The following NFILZ variants were observed in gnomAD, a reference collection of about 807,000 sequenced individuals.
The protein encoded by NFILZ is NFIL3 like basic leucine zipper, also known as NFIL3 like protein.
chr19:8,657,649 G>A (rs1250132972), intron 3 of NFILZ, among the ~76,000 whole-genome samples: 6 of 152,086 alleles, frequency 3.9e-5, no homozygotes, highest in East Asian at 1.9e-4. Context: ...ATCTCTCTCC[G>A]TCTCTACCTC....
chr19:8,656,369 T>TCCCGCAGCGCACCTC (rs2042997662), intron 3 of NFILZ, among the ~76,000 whole-genome samples: 6 of 44,798 alleles, frequency 1.3e-4, no homozygotes, highest in African/African-American at 3.5e-4. Flanking sequence ...AAGCCCACCT[T>TCCCGCAGCGCACCTC]CTCCCTGAAG....
At chr19:8,634,686 G>C (rs2042886464) in intron 2 of NFILZ, among the ~76,000 whole-genome samples, 1 of 151,966 alleles carries the variant, frequency 6.6e-6, no homozygotes, top group Non-Finnish European at 1.5e-5. Flanking sequence ...GATCAGTCTG[G>C]GCAACACAGT....
intron 4 of NFILZ, among the ~76,000 whole-genome samples, chr19:8,675,101 GCACAATGTTAGGTAC>G (rs2043104927): frequency 6.6e-6 from 1 of 152,122 alleles, no homozygotes; most frequent in African/African-American, 2.4e-5. Flanking sequence ...CTATTTACAA[GCACAATGTTAGGTAC>G]CAGGGATACA....
Position 8,648,672 on chromosome 19 carries a change from CA to C in NFILZ, c.-164+12930del, listed in dbSNP as rs377228330. On this transcript the variant is annotated intron_variant, in intron 3 of 5. Coordinates refer to ENST00000691075, the MANE Select transcript of NFILZ (RefSeq NM_001378600.1). ...ATCTCTGTTAAAAATACAAACAAAA[CA>C]AAACAAACAAACAAACAAAAAACCC... is the stretch of plus-strand genomic sequence containing the variant. Among the ~76,000 whole-genome samples, 360 of 151,330 alleles carry C rather than the reference CA, an allele frequency of 2.4e-3. 1 individual carries two copies. Among genetic ancestry groups the C allele is most frequent in the African/African-American group, 8.5e-3 (350 of 41,322 alleles).
At chr19:8,656,614 C>T (rs1600147969) in intron 3 of NFILZ, among the ~76,000 whole-genome samples, 1 of 151,972 alleles carries the variant, frequency 6.6e-6, no homozygotes, top group African/African-American at 2.4e-5. Context: ...GTGCAGCCCC[C>T]GTACCTGGCC....
chr19:8,664,727 G>A (rs1600152587), intron 3 of NFILZ, among the ~76,000 whole-genome samples: 1 of 152,188 alleles, frequency 6.6e-6, no homozygotes, highest in African/African-American at 2.4e-5. Context: ...GCCTCTATGG[G>A]TCCCTGGTTC....
chr19:8,653,043 TCTCTCTCTCTCTCTCTC>T (rs2042975869), intron 3 of NFILZ, among the ~76,000 whole-genome samples: 33 of 69,254 alleles, frequency 4.8e-4, no homozygotes, highest in African/African-American at 7.7e-4. Flanking sequence ...TTTCTTTCTC[TCTCTCTCTCTCTCTCTC>T]TCTCTCTCTC....
intron 3 of NFILZ, among the ~76,000 whole-genome samples, chr19:8,672,460 A>C (rs2043092421): frequency 6.6e-6 from 1 of 152,302 alleles, no homozygotes; most frequent in Non-Finnish European, 1.5e-5. Context: ...CATTCAAAAA[A>C]TCCATGCATT....
chr19:8,669,080 A>G (rs1446206392), intron 3 of NFILZ, among the ~76,000 whole-genome samples: 1 of 152,104 alleles, frequency 6.6e-6, no homozygotes, highest in Non-Finnish European at 1.5e-5. Context: ...AGTAGCTGGG[A>G]CTACAGGCGT....
chr19:8,664,633 G>T (rs550514400), intron 3 of NFILZ, among the ~76,000 whole-genome samples: 31 of 152,264 alleles, frequency 2.0e-4, no homozygotes, highest in African/African-American at 7.2e-4. Context: ...GCAGGGCCCC[G>T]AGGTTCCATT....
chr19:8,634,765 A>T (rs1555745915), intron 2 of NFILZ, among the ~76,000 whole-genome samples: 1 of 152,102 alleles, frequency 6.6e-6, no homozygotes, highest in Non-Finnish European at 1.5e-5. Flanking sequence ...TCGTAGTTCC[A>T]GCTAATTGGG....
intron 3 of NFILZ, among the ~76,000 whole-genome samples, chr19:8,665,887 G>A (rs1488873671): frequency 9.9e-5 from 15 of 152,188 alleles, no homozygotes; most frequent in African/African-American, 3.6e-4. Flanking sequence ...TTGCCTGAGT[G>A]TTAAGAAATC....
At chr19:8,645,058 G>A (rs2042933404) in intron 3 of NFILZ, among the ~76,000 whole-genome samples, 2 of 148,712 alleles carry the variant, frequency 1.3e-5, no homozygotes, top group Admixed American at 6.8e-5. Context: ...GGGATTACAG[G>A]CATAAGCCAC....
At chr19:8,640,473 G>A (rs782455772) in intron 3 of NFILZ, among the ~76,000 whole-genome samples, 1 of 152,128 alleles carries the variant, frequency 6.6e-6, no homozygotes, top group Non-Finnish European at 1.5e-5. Flanking sequence ...GTCCTGTGAA[G>A]GGGAAGTTCA....
At chr19:8,648,654 T>C (rs782391505) in intron 3 of NFILZ, among the ~76,000 whole-genome samples, 4 of 151,570 alleles carry the variant, frequency 2.6e-5, no homozygotes, top group African/African-American at 4.8e-5. Context: ...CCCATCTCTG[T>C]TAAAAATACA....
intron 3 of NFILZ, among the ~76,000 whole-genome samples, chr19:8,640,526 C>A (rs999273685): frequency 6.6e-6 from 1 of 151,966 alleles, no homozygotes; most frequent in African/African-American, 2.4e-5. Flanking sequence ...GCAGAAGGTG[C>A]CTTTGATGTC....
At chr19:8,672,187 AT>A (rs1253985892) in intron 3 of NFILZ, among the ~76,000 whole-genome samples, 1 of 152,176 alleles carries the variant, frequency 6.6e-6, no homozygotes, top group Non-Finnish European at 1.5e-5. Context: ...ATTCTAAAAA[AT>A]AGTCATGCAT....
intron 3 of NFILZ, among the ~76,000 whole-genome samples, chr19:8,666,941 G>T (rs1555749881): frequency 6.7e-6 from 1 of 150,188 alleles, no homozygotes; most frequent in South Asian, 2.1e-4. Flanking sequence ...GTAGAGACAG[G>T]GTTTTGCCAC....
In NFILZ at chr19:8,678,007, A is replaced by G. The variant is rs888900959; in HGVS notation, c.*372A>G. 7.1e-6 allele frequency among the ~76,000 whole-genome samples: 1 copy of G among 139,880 alleles called. No individual in the cohort carries two copies. Among genetic ancestry groups the G allele is most frequent in the Non-Finnish European group, 1.6e-5 (1 of 64,366 alleles). The allele number at this position is 139,880 out of a possible 152,430, so 91.8% of individuals were successfully genotyped here. Reference sequence around the variant, plus strand: ...ATCAATCCTTATCCATCCATCCATTAGTCCCTCCATCCTTATCCATCTATC... The same window carrying G: ...ATCAATCCTTATCCATCCATCCATTGGTCCCTCCATCCTTATCCATCTATC... On this transcript the variant is annotated 3_prime_UTR_variant, in exon 6 of 6. Coordinates refer to ENST00000691075, the MANE Select transcript of NFILZ (RefSeq NM_001378600.1).
Sources: allele counts gnomAD v4.1 joint callset (sites outside exome capture counted in the v4.1 genomes callset), GRCh38; gene constraint gnomAD v4.1.1; transcripts MANE v1.5; gene names NCBI Gene and HGNC (gene_info 2026-07-23, HGNC 2026-07-21).